Variants in NCEH1 observed in about 807,000 individuals in gnomAD.
NCEH1 encodes the protein neutral cholesterol ester hydrolase 1, also known as 2-acetyl MAGE hydrolase.
In NCEH1, 9 loss-of-function variants were observed where a neutral mutation model predicts 25.4. The ratio of observed to expected loss-of-function variants is 0.35; its 90% CI spans 0.21 to 0.62. NCEH1 has a LOEUF of 0.62. Ranked by LOEUF, NCEH1 falls within the 20% of genes least tolerant of loss-of-function variation. The pLI, the probability that NCEH1 is intolerant of heterozygous loss-of-function variation, is 0.72. For synonymous variants in NCEH1, 200 were observed against 199.8 expected, an observed-to-expected ratio of 1.00 and a Z score of -0.01; for missense variants, 412 against 501.1, an observed-to-expected ratio of 0.82 and a Z score of 1.70.
chr3:172,702,360 C>T (rs143849548), intron 1 of NCEH1, among the ~76,000 whole-genome samples: 9 of 152,192 alleles, frequency 5.9e-5, no homozygotes, highest in Admixed American at 1.3e-4. Flanking sequence ...AGATTAGATA[C>T]GTTTCCCCAG....
At chr3:172,662,614 A>G (rs1718021211) in intron 1 of NCEH1, among the ~76,000 whole-genome samples, 1 of 152,166 alleles carries the variant, frequency 6.6e-6, no homozygotes, top group South Asian at 2.1e-4. Context: ...TTTGGTTGGT[A>G]GGCTATTAAT....
intron 1 of NCEH1, among the ~76,000 whole-genome samples, chr3:172,654,109 T>C (rs2108501399): frequency 6.6e-6 from 1 of 152,086 alleles, no homozygotes; most frequent in East Asian, 1.9e-4. Context: ...ACAAGCAAAA[T>C]GGAGGCAAGA....
chr3:172,700,985 C>T (rs1433520036), intron 1 of NCEH1, among the ~76,000 whole-genome samples: 1 of 152,148 alleles, frequency 6.6e-6, no homozygotes, highest in Admixed American at 6.5e-5. Context: ...GGGATAGCCT[C>T]TTTTTCCACT....
At chr3:172,695,640 G>A (rs187557901) in intron 1 of NCEH1, among the ~76,000 whole-genome samples, 7 of 152,196 alleles carry the variant, frequency 4.6e-5, no homozygotes, top group East Asian at 1.9e-4. Flanking sequence ...TATTCAAATC[G>A]TGGTTAGAAA....
At chr3:172,654,759 T>C (rs891724136) in intron 1 of NCEH1, among the ~76,000 whole-genome samples, 5 of 152,230 alleles carry the variant, frequency 3.3e-5, no homozygotes, top group African/African-American at 9.6e-5. Flanking sequence ...TGATTCGTTC[T>C]TCACATTCAA....
intron 3 of NCEH1, among the ~76,000 whole-genome samples, chr3:172,642,732 C>T (rs1716916908): frequency 6.6e-6 from 1 of 151,900 alleles, no homozygotes; most frequent in South Asian, 2.1e-4. Flanking sequence ...CCAGACTCAG[C>T]TAGTGCTTTT....
Position 172,710,870 on chromosome 3 carries a change from T to C in NCEH1, c.115A>G (p.Thr39Ala), listed in dbSNP as rs1401773581. 1 of 1,614,044 alleles carries C rather than the reference T, an allele frequency of 6.2e-7. No homozygotes were observed. The highest frequency in any genetic ancestry group is 2.2e-5 in the East Asian group (1 of 44,884). Reference sequence around the variant, plus strand: ...ACCACTTGCTGTGCACCCCGGAAAGTGGCGTCCAGCAGCATCAGCTTCCAG... The same window carrying C: ...ACCACTTGCTGTGCACCCCGGAAAGCGGCGTCCAGCAGCATCAGCTTCCAG... The part of the protein sequence containing the change: ...DPWKLMLLDA[T>A]FRGAQQVSNL... The change falls in exon 1 of 5, where the codon ACT (threonine) becomes GCT (alanine). Residue 39 changes from threonine (T) to alanine (A), a missense_variant. Thr to Ala is a moderately conservative substitution (Grantham distance 58). This residue lies in a region of NCEH1 where 178 missense variants were observed against 189.2 expected (regional missense o/e 0.94). Transcript: ENST00000475381.
At chr3:172,683,010 G>A (rs530973892) in intron 1 of NCEH1, among the ~76,000 whole-genome samples, 15 of 152,324 alleles carry the variant, frequency 9.8e-5, no homozygotes, top group Non-Finnish European at 1.8e-4. Flanking sequence ...AAGTTTGCTC[G>A]CATTAGCTAT....
chr3:172,693,662 T>C (rs1713199044), intron 1 of NCEH1, among the ~76,000 whole-genome samples: 1 of 152,240 alleles, frequency 6.6e-6, no homozygotes, highest in South Asian at 2.1e-4. Flanking sequence ...GTTCCTTCTG[T>C]AGACGTAACC....
At chr3:172,656,834 C>T (rs966414312) in intron 1 of NCEH1, among the ~76,000 whole-genome samples, 13 of 152,194 alleles carry the variant, frequency 8.5e-5, no homozygotes, top group African/African-American at 2.9e-4. Context: ...TGGCTTCAGC[C>T]CCATATGTCT....
chr3:172,649,078 CT>C lies in NCEH1; in HGVS notation c.139-965del, dbSNP rs551017604. On this transcript the variant is annotated intron_variant, in intron 1 of 4. Transcript: ENST00000475381. ...CTATATGATGTCTGCGATGTGGCAC[CT>C]TACAGCTTCTCAGGCTGTGCACAGC... 3.6e-3 allele frequency among the ~76,000 whole-genome samples: 552 copies of C among 152,250 alleles called. 5 individuals are homozygous for C. The highest frequency in any genetic ancestry group is 0.013 in the African/African-American group (532 of 41,530).
At chr3:172,675,487 G>A (rs1046521843) in intron 1 of NCEH1, among the ~76,000 whole-genome samples, 1 of 151,394 alleles carries the variant, frequency 6.6e-6, no homozygotes, top group African/African-American at 2.4e-5. Flanking sequence ...GTCATAAAAG[G>A]AAATGACTGG....
intron 1 of NCEH1, among the ~76,000 whole-genome samples, chr3:172,655,993 G>A (rs909803580): frequency 6.6e-6 from 1 of 152,160 alleles, no homozygotes; most frequent in African/African-American, 2.4e-5. Flanking sequence ...AGATATTAAG[G>A]GGGAAGAGAT....
chr3:172,642,603 C>CAAAAAAAAAAAAAAAAAAAA (rs66551744), intron 3 of NCEH1, among the ~76,000 whole-genome samples: 1 of 83,900 alleles, frequency 1.2e-5, no homozygotes, highest in Non-Finnish European at 2.3e-5. Flanking sequence ...GCTATTTCTA[C>CAAAAAAAAAAAAAAAAAAAA]AAAAAAAAAA....
intron 1 of NCEH1, among the ~76,000 whole-genome samples, chr3:172,660,464 G>A (rs549382731): frequency 2.0e-5 from 3 of 152,300 alleles, no homozygotes; most frequent in South Asian, 4.1e-4. Context: ...ATAGTAGCAT[G>A]ATTTATAATC....
intron 1 of NCEH1, among the ~76,000 whole-genome samples, chr3:172,697,073 C>T (rs1315563142): frequency 2.0e-5 from 3 of 151,720 alleles, no homozygotes; most frequent in Non-Finnish European, 2.9e-5. Context: ...TACAGGTGCG[C>T]CCCACCATGC....
chr3:172,696,757 AAG>A (rs1030835430), intron 1 of NCEH1, among the ~76,000 whole-genome samples: 35 of 152,330 alleles, frequency 2.3e-4, no homozygotes, highest in African/African-American at 7.9e-4. Context: ...TTTGTGAAAT[AAG>A]AGATCTATAG....
intron 1 of NCEH1, among the ~76,000 whole-genome samples, chr3:172,688,346 A>AG (rs1288634831): frequency 1.7e-4 from 26 of 151,256 alleles, no homozygotes; most frequent in African/African-American, 6.3e-4. Context: ...AAAAAAAAAA[A>AG]AAAAAAGAAA....
At chr3:172,663,157 C>T (rs1172742475) in intron 1 of NCEH1, among the ~76,000 whole-genome samples, 4 of 151,994 alleles carry the variant, frequency 2.6e-5, no homozygotes, top group Non-Finnish European at 5.9e-5. Flanking sequence ...TCTGGTATGT[C>T]ATGTCTTTGT....
Sources: allele counts gnomAD v4.1 joint callset (sites outside exome capture counted in the v4.1 genomes callset), GRCh38; gene constraint gnomAD v4.1.1; regional missense constraint gnomAD v4.1.1; transcripts MANE v1.5; gene names NCBI Gene and HGNC (gene_info 2026-07-23, HGNC 2026-07-21).